Variants in IGF2BP1 observed in about 807,000 individuals in gnomAD.
The protein encoded by IGF2BP1 is insulin-like growth factor 2 mRNA-binding protein 1.
IGF2BP1 carries 11 observed loss-of-function variants against 74.9 expected under a neutral mutation model. The observed-to-expected ratio is 0.15, with a 90% CI of 0.09 to 0.24. The LOEUF (loss-of-function observed/expected upper bound fraction) is 0.24. IGF2BP1 is among the 10% of genes least tolerant of loss of function. IGF2BP1 has a pLI of 1.00. For missense variants in IGF2BP1, 440 were observed against 757.4 expected, an observed-to-expected ratio of 0.58 and a Z score of 4.92; for synonymous variants, 287 against 281.8, an observed-to-expected ratio of 1.02 and a Z score of -0.18.
chr17:49,000,334 A>C (rs909025099), intron 2 of IGF2BP1, among the ~76,000 whole-genome samples: 3 of 152,194 alleles, frequency 2.0e-5, no homozygotes, highest in African/African-American at 7.2e-5. Context: ...TAGAAAGTTT[A>C]ATGTGAGATA....
At chr17:49,031,614 C>G (rs1009784764) in intron 4 of IGF2BP1, among the ~76,000 whole-genome samples, 2 of 151,712 alleles carry the variant, frequency 1.3e-5, no homozygotes, top group African/African-American at 4.8e-5. Flanking sequence ...TCAAGCAGTT[C>G]TCCTGCCTCA....
Position 48,997,821 on chromosome 17 carries a change from A to G in IGF2BP1, c.76A>G (p.Lys26Glu), listed in dbSNP as rs201168699. ...ADLEKVFAEHKISYSGQFLVK... is the reference protein window; with the variant it reads ...ADLEKVFAEHEISYSGQFLVK... ...CTTGGAGAAAGTGTTTGCGGAGCAC[A>G]AGATCTCCTACAGCGGCCAGTTCTT... is the stretch of plus-strand genomic sequence containing the variant. Residue 26 changes from lysine (K) to glutamate (E), a missense_variant, in exon 1 of 15, where the codon AAG becomes GAG. Transcript: ENST00000290341. This position sits in a 1 kb window ranked among gnomAD's most constrained non-coding sequence, Gnocchi z 4.8. The G allele has an allele frequency of 1.2e-6, 2 of 1,614,096 alleles. No individual in the cohort carries two copies. Among genetic ancestry groups the G allele is most frequent in the East Asian group, 2.2e-5 (1 of 44,850 alleles).
intron 4 of IGF2BP1, among the ~76,000 whole-genome samples, chr17:49,028,349 T>C (rs1172861288): frequency 2.0e-5 from 3 of 152,184 alleles, no homozygotes; most frequent in Non-Finnish European, 4.4e-5. Flanking sequence ...GGGCAAGTTA[T>C]AAATGATTAT....
intron 2 of IGF2BP1, among the ~76,000 whole-genome samples, chr17:49,022,491 T>A (rs2041805208): frequency 1.3e-5 from 2 of 151,638 alleles, no homozygotes; most frequent in South Asian, 2.1e-4. Context: ...GGGCCTGGAG[T>A]GGGTTCCCAG....
intron 2 of IGF2BP1, among the ~76,000 whole-genome samples, chr17:49,015,403 T>TC (rs2041686541): frequency 6.6e-6 from 1 of 152,060 alleles, no homozygotes; most frequent in African/African-American, 2.4e-5. Flanking sequence ...TTTCCCTCGG[T>TC]CGGAGCTTAG....
At chr17:49,010,404 C>T (rs561758886) in intron 2 of IGF2BP1, among the ~76,000 whole-genome samples, 30 of 150,994 alleles carry the variant, frequency 2.0e-4, no homozygotes, top group African/African-American at 6.8e-4. Flanking sequence ...GCAAGCTCCG[C>T]CTCCCGGGTT....
chr17:49,016,000 C>T (rs977342097), intron 2 of IGF2BP1, among the ~76,000 whole-genome samples: 8 of 152,178 alleles, frequency 5.3e-5, no homozygotes, highest in Non-Finnish European at 8.8e-5. Flanking sequence ...GCCATCCAGC[C>T]GTATGATAGG....
chr17:49,045,101 A>G, intron 12 of IGF2BP1, 36 bp downstream of exon 12: 1 of 1,576,540 alleles, frequency 6.3e-7, no homozygotes, highest in Non-Finnish European at 8.7e-7. Context: ...CTGAACATGG[A>G]GGAATTGAGG....
intron 2 of IGF2BP1, among the ~76,000 whole-genome samples, chr17:49,015,279 G>C (rs572158295): frequency 6.6e-6 from 1 of 152,124 alleles, no homozygotes; most frequent in Non-Finnish European, 1.5e-5. Flanking sequence ...GGCCGTGACC[G>C]TATGGCTTTT....
chr17:49,029,959 A>C (rs1333131129), intron 4 of IGF2BP1, among the ~76,000 whole-genome samples: 3 of 151,914 alleles, frequency 2.0e-5, no homozygotes, highest in Non-Finnish European at 4.4e-5. Context: ...TGGGATTCTA[A>C]TGTCAGCTTG....
chr17:49,048,666 C>T (rs557790833), intron 14 of IGF2BP1, among the ~76,000 whole-genome samples: 3 of 152,256 alleles, frequency 2.0e-5, no homozygotes, highest in Non-Finnish European at 2.9e-5. Context: ...CCCCGGGCCA[C>T]GGACTGGTAC....
At chr17:49,004,159 C>T (rs1158689906) in intron 2 of IGF2BP1, among the ~76,000 whole-genome samples, 1 of 152,168 alleles carries the variant, frequency 6.6e-6, no homozygotes, top group Non-Finnish European at 1.5e-5. Flanking sequence ...CAGAGAACAT[C>T]CGCTGGCCTG....
intron 2 of IGF2BP1, among the ~76,000 whole-genome samples, chr17:49,005,725 A>AT (rs562151900): frequency 9.6e-4 from 142 of 147,946 alleles, no homozygotes; most frequent in South Asian, 1.7e-3. Context: ...AGAACTTCAA[A>AT]TTTTTTTTTT....
At chr17:48,999,925 T>G (rs1359685552) in intron 2 of IGF2BP1, among the ~76,000 whole-genome samples, 4 of 78,064 alleles carry the variant, frequency 5.1e-5, no homozygotes, top group South Asian at 4.0e-4. Flanking sequence ...GGATGAATGG[T>G]GTGTGTGTGT....
chr17:49,016,148 T>C (rs2041698841), intron 2 of IGF2BP1, among the ~76,000 whole-genome samples: 1 of 152,222 alleles, frequency 6.6e-6, no homozygotes, highest in South Asian at 2.1e-4. Flanking sequence ...AGGCTTCTGC[T>C]GTATTAACAC....
rs1414154484 is a variant in IGF2BP1, at chr17:49,038,256, G to A, written c.490G>A (p.Glu164Lys). Reference protein sequence around the residue: ...IPDEQIAQGPENGRRGGFGSR... With the variant: ...IPDEQIAQGPKNGRRGGFGSR... ...CGATGAGCAGATAGCACAGGGACCT[G>A]AGAATGGGCGCCGAGGGGGCTTTGG... The change falls in exon 6 of 15, where the codon GAG (glutamate) becomes AAG (lysine). Residue 164 changes from glutamate (E) to lysine (K), a missense_variant. Physicochemically the swap from Glu to Lys is moderately conservative, Grantham distance 56. Around this residue, in one of 5 missense-constraint regions of IGF2BP1, gnomAD observed 184 missense variants for 273.4 expected, o/e 0.67. Coordinates refer to ENST00000290341, the MANE Select transcript of IGF2BP1 (RefSeq NM_006546.4). 1.3e-6 allele frequency: 2 copies of A among 1,598,942 alleles called. No homozygotes were observed. Among genetic ancestry groups the A allele is most frequent in the Non-Finnish European group, 1.7e-6 (2 of 1,171,996 alleles).
intron 2 of IGF2BP1, among the ~76,000 whole-genome samples, chr17:49,000,539 T>C (rs2041476909): frequency 6.6e-6 from 1 of 152,218 alleles, no homozygotes; most frequent in African/African-American, 2.4e-5. Flanking sequence ...GAAGTCTTAT[T>C]TGTTATTTTG....
intron 2 of IGF2BP1, among the ~76,000 whole-genome samples, chr17:49,017,586 T>C (rs2041722027): frequency 6.6e-6 from 1 of 152,186 alleles, no homozygotes; most frequent in African/African-American, 2.4e-5. Context: ...TATTCTAAAC[T>C]AGATTAAAAT....
chr17:49,025,857 CTTTTT>C (rs797001122), intron 3 of IGF2BP1, among the ~76,000 whole-genome samples, 191 bp downstream of exon 3: 2 of 94,616 alleles, frequency 2.1e-5, no homozygotes, highest in Non-Finnish European at 5.0e-5. Flanking sequence ...TCTTTTCTTT[CTTTTT>C]TTTTTTTTTT....
Sources: gnomAD v4.1 joint callset for allele counts (sites outside exome capture counted in the v4.1 genomes callset) on GRCh38, gnomAD v4.1.1 for gene constraint, gnomAD v4.1.1 regional missense constraint, Gnocchi (gnomAD v3.1) non-coding constraint, MANE v1.5 for transcripts, NCBI Gene and HGNC (gene_info 2026-07-23, HGNC 2026-07-21) for gene names.